PLEKHA5: variants seen among roughly 807,000 people sequenced by gnomAD.
PLEKHA5 encodes pleckstrin homology domain-containing family A member 5.
A neutral mutation model predicts 181.9 loss-of-function variants in PLEKHA5; 55 were observed. That is an observed-to-expected ratio of 0.30 (90% CI 0.24 to 0.38). The LOEUF is 0.38. Ranked by LOEUF, PLEKHA5 falls within the 10% of genes least tolerant of loss-of-function variation. PLEKHA5 has a pLI of 1.00. For missense variants in PLEKHA5, 1,432 were observed against 1,549.5 expected (o/e 0.92, Z 1.27); for synonymous variants, 535 against 529.4 (o/e 1.01, Z -0.15).
At position 19,240,789 on chromosome 12, in the gene PLEKHA5, T is replaced by C. The variant is rs148863368; in HGVS notation, c.228-13151T>C. ...TGAATGCCATGTTATTGCTTTTAAA[T>C]GACGAGAATATTTCTGATTATTGAA... On this transcript the variant is annotated intron_variant, in intron 3 of 31. Transcript: ENST00000429027. 9.7e-4 allele frequency among the ~76,000 whole-genome samples: 148 copies of C among 152,208 alleles called. 1 individual carries two copies. Among genetic ancestry groups the C allele is most frequent in the African/African-American group, 3.3e-3 (138 of 41,540 alleles).
At chr12:19,185,746 A>G (rs757382408) in intron 3 of PLEKHA5, among the ~76,000 whole-genome samples, 9 of 152,210 alleles carry the variant, frequency 5.9e-5, no homozygotes, top group Admixed American at 5.9e-4. Context: ...TAAAGAATGC[A>G]AATGATTCGG....
chr12:19,203,314 C>G (rs1206381216), intron 3 of PLEKHA5, among the ~76,000 whole-genome samples: 1 of 152,084 alleles, frequency 6.6e-6, no homozygotes, highest in Non-Finnish European at 1.5e-5. Flanking sequence ...CCTCACTCTT[C>G]CATTATCCAG....
chr12:19,363,952 G>GA (rs1194567535), intron 29 of PLEKHA5, among the ~76,000 whole-genome samples: 10 of 152,314 alleles, frequency 6.6e-5, no homozygotes, highest in African/African-American at 2.4e-4. Flanking sequence ...TGTCTGCTAA[G>GA]AAAAATATCT....
chr12:19,319,404 ATCAAT>A (rs1285375178), intron 16 of PLEKHA5, among the ~76,000 whole-genome samples: 1 of 152,204 alleles, frequency 6.6e-6, no homozygotes, highest in African/African-American at 2.4e-5. Context: ...ACATTTCTAG[ATCAAT>A]TCAAAGTTAT....
At chr12:19,141,838 T>C (rs528752304) in intron 3 of PLEKHA5, among the ~76,000 whole-genome samples, 1 of 152,326 alleles carries the variant, frequency 6.6e-6, no homozygotes, top group Admixed American at 6.5e-5. Context: ...CTTCTGAAAT[T>C]ACTGGCCACT....
chr12:19,365,890 TTTA>T, intron 29 of PLEKHA5, 71 bp from the exon 30 acceptor site: 3 of 1,017,316 alleles, frequency 2.9e-6, no homozygotes. Flanking sequence ...GGTGGCATCT[TTTA>T]TAACAAAAAA....
chr12:19,246,768 T>G (rs2063859950), intron 3 of PLEKHA5, among the ~76,000 whole-genome samples: 1 of 152,196 alleles, frequency 6.6e-6, no homozygotes, highest in Admixed American at 6.5e-5. Flanking sequence ...TCGCATGGTT[T>G]TGGTCTTATT....
intron 11 of PLEKHA5, among the ~76,000 whole-genome samples, chr12:19,276,149 A>G (rs1317636272): frequency 6.6e-6 from 1 of 152,218 alleles, no homozygotes; most frequent in Non-Finnish European, 1.5e-5. Context: ...AGAGAACAGA[A>G]GAATCAAAAG....
chr12:19,164,977 C>T (rs1353312531), intron 3 of PLEKHA5, among the ~76,000 whole-genome samples: 4 of 152,106 alleles, frequency 2.6e-5, no homozygotes, highest in African/African-American at 9.6e-5. Context: ...TCTATTTTTT[C>T]TCCTCAAAGC....
chr12:19,134,315 G>C (rs2034960011), intron 3 of PLEKHA5, among the ~76,000 whole-genome samples: 1 of 151,952 alleles, frequency 6.6e-6, no homozygotes, highest in African/African-American at 2.4e-5. Context: ...TATTAAGAAA[G>C]CTATAATAAT....
intron 11 of PLEKHA5, among the ~76,000 whole-genome samples, chr12:19,276,922 G>A (rs2074703949): frequency 6.6e-6 from 1 of 152,100 alleles, no homozygotes; most frequent in Admixed American, 6.5e-5. Context: ...ACTGGCAGAT[G>A]CTCAAATTTA....
chr12:19,353,792 A>AT, intron 25 of PLEKHA5, 92 bp from the exon 26 acceptor site: 2 of 734,066 alleles, frequency 2.7e-6, no homozygotes, highest in Non-Finnish European at 4.8e-6. Context: ...TTGCTTTCTG[A>AT]TTTTAAAAAG....
chr12:19,300,627 G>A (rs1337893298), intron 15 of PLEKHA5, among the ~76,000 whole-genome samples: 3 of 152,112 alleles, frequency 2.0e-5, no homozygotes, highest in African/African-American at 4.8e-5. Flanking sequence ...TAGAATTCTT[G>A]TTCAAAACTT....
In PLEKHA5 at chr12:19,361,651, G is replaced by C; in HGVS notation, c.3553G>C (p.Glu1185Gln). ...TGAGCCAAATGGAGTAAATTCTGTGGAAATGATGGATAAAGAAAGAAACAA... is the reference window on the plus strand; with the variant it reads ...TGAGCCAAATGGAGTAAATTCTGTGCAAATGATGGATAAAGAAAGAAACAA... ...EPEPNGVNSV[E>Q]MMDKERNKDK... is the part of the protein sequence containing the mutation. The change falls in exon 29 of 32, where the codon GAA (glutamate) becomes CAA (glutamine). Residue 1185 changes from glutamate to glutamine, a missense_variant. Glu to Gln is a conservative substitution (Grantham distance 29). Coordinates refer to ENST00000429027, the MANE Select transcript of PLEKHA5 (RefSeq NM_001256470.2). 6.3e-7 allele frequency: 1 copy of C among 1,585,968 alleles called. No individual in the cohort carries two copies. Among genetic ancestry groups the C allele is most frequent in the South Asian group, 1.1e-5 (1 of 88,230 alleles).
intron 6 of PLEKHA5, among the ~76,000 whole-genome samples, chr12:19,257,895 A>C (rs989594324): frequency 6.6e-6 from 1 of 152,036 alleles, no homozygotes; most frequent in Non-Finnish European, 1.5e-5. Context: ...AAGGGTACTC[A>C]TTTTTCTATT....
Position 19,347,113 on chromosome 12 carries a change from C to A in PLEKHA5, c.2829C>A (p.Gly943=). Residue 943 remains glycine (G), a synonymous_variant, in exon 24 of 32, where the codon GGC becomes GGA. Coordinates refer to ENST00000429027, the MANE Select transcript of PLEKHA5 (RefSeq NM_001256470.2). ...GCTCCTTGCTCTGTTATAGCAGGGGCCCAGTTCATCTGCCTGAAGAAAAGA... is the reference window on the plus strand; with the variant it reads ...GCTCCTTGCTCTGTTATAGCAGGGGACCAGTTCATCTGCCTGAAGAAAAGA... The part of the protein sequence containing the change: ...DSSSLLCYSR[G]PVHLPEEKKM... 6.5e-7 allele frequency: 1 copy of A among 1,549,650 alleles called. No homozygotes were observed. The highest frequency in any genetic ancestry group is 8.7e-7 in the Non-Finnish European group (1 of 1,145,256).
At position 19,316,250 on chromosome 12, in the gene PLEKHA5, T is replaced by C. The variant is rs900430499; in HGVS notation, c.2118+1356T>C. Among the ~76,000 whole-genome samples the C allele has an allele frequency of 2.6e-5, 4 of 152,188 alleles. 1 individual carries two copies. The South Asian group carries it at 8.3e-4, about 32-fold the overall frequency. ...TTATGTTTTTATCACATTTTGCATA[T>C]TTTAGATGAGAATGGTAGCCTGGAT... On this transcript the variant is annotated intron_variant, in intron 16 of 31. Transcript: ENST00000429027.
intron 6 of PLEKHA5, among the ~76,000 whole-genome samples, chr12:19,257,910 T>C (rs983003741): frequency 4.6e-5 from 7 of 152,096 alleles, no homozygotes; most frequent in Admixed American, 2.0e-4. Flanking sequence ...TCTATTGATA[T>C]AAAAATTGTT....
chr12:19,322,249 C>T, intron 18 of PLEKHA5, 61 bp from the exon 19 acceptor site: 1 of 987,690 alleles, frequency 1.0e-6, no homozygotes, highest in Non-Finnish European at 1.6e-6. Flanking sequence ...TAATGACTGC[C>T]TACCTCCAAT....
Sources: gnomAD v4.1 joint callset for allele counts (sites outside exome capture counted in the v4.1 genomes callset) on GRCh38, gnomAD v4.1.1 for gene constraint, MANE v1.5 for transcripts, NCBI Gene and HGNC (gene_info 2026-07-23, HGNC 2026-07-21) for gene names.